Variants in STK39 observed in about 807,000 individuals in gnomAD.
STK39 encodes serine/threonine kinase 39.
STK39 carries 20 observed loss-of-function variants against 77.8 expected under a neutral mutation model. The observed-to-expected ratio is 0.26, with a 90% CI of 0.18 to 0.37. The LOEUF is 0.37. STK39 is among the 10% of genes least tolerant of loss of function. STK39 has a pLI of 1.00. For missense variants in STK39, 479 were observed against 656.5 expected (o/e 0.73, Z 2.95); for synonymous variants, 246 against 234.1 (o/e 1.05, Z -0.47).
chr2:168,033,552 C>T (rs1406373252), intron 14 of STK39, among the ~76,000 whole-genome samples: 8 of 152,176 alleles, frequency 5.3e-5, no homozygotes, highest in African/African-American at 1.2e-4. Context: ...GGCTCTAAAA[C>T]GCTGTTCCTG....
intron 10 of STK39, among the ~76,000 whole-genome samples, chr2:168,096,977 TA>T (rs1686685481): frequency 6.6e-6 from 1 of 152,192 alleles, no homozygotes; most frequent in African/African-American, 2.4e-5. Context: ...AAAACGCTAT[TA>T]ATTTACTGTT....
chr2:168,131,875 T>C (rs1339463591), intron 8 of STK39, among the ~76,000 whole-genome samples: 1 of 152,220 alleles, frequency 6.6e-6, no homozygotes, highest in African/African-American at 2.4e-5. Flanking sequence ...TCCAAATTCA[T>C]CCTTTCACTC....
intron 16 of STK39, among the ~76,000 whole-genome samples, chr2:167,993,790 CA>C (rs1470862374): frequency 2.0e-5 from 3 of 152,124 alleles, no homozygotes; most frequent in Non-Finnish European, 4.4e-5. Context: ...TGTTAAGAGT[CA>C]AGTTTTACAC....
chr2:168,156,908 C>T (rs1688443160), intron 5 of STK39, among the ~76,000 whole-genome samples: 1 of 152,186 alleles, frequency 6.6e-6, no homozygotes. Flanking sequence ...CTCAAAGCAG[C>T]AGCCTCTCTT....
chr2:168,108,182 G>A (rs1438487714), intron 10 of STK39, among the ~76,000 whole-genome samples: 2 of 152,202 alleles, frequency 1.3e-5, no homozygotes, highest in Non-Finnish European at 2.9e-5. Context: ...CAGTTTGGGA[G>A]ATGTCTTGAC....
chr2:168,095,082 G>C (rs761006821), intron 10 of STK39, among the ~76,000 whole-genome samples: 28 of 152,040 alleles, frequency 1.8e-4, no homozygotes, highest in Admixed American at 1.3e-4. Context: ...CATCACCTCA[G>C]GCCTAGCTGT....
chr2:168,221,954 G>A (rs748070766), intron 1 of STK39, among the ~76,000 whole-genome samples: 21 of 152,148 alleles, frequency 1.4e-4, no homozygotes, highest in Non-Finnish European at 2.5e-4. Flanking sequence ...CCTGTTTCAC[G>A]ATTTAATAAG....
At chr2:167,986,510 CT>C (rs1207407808) in intron 16 of STK39, among the ~76,000 whole-genome samples, 1 of 152,208 alleles carries the variant, frequency 6.6e-6, no homozygotes, top group Non-Finnish European at 1.5e-5. Context: ...AAGTGTTTGA[CT>C]TTCAGATTTC....
rs1483134585 is a variant in STK39, at chr2:168,018,250, A to T, written c.1377-1155T>A. Reference sequence around the variant, plus strand: ...CACAGTGGCTCACGCCTGTAATCCCAGAACTTTGAGAGGCTGAGGCAGGTG... The same window carrying T: ...CACAGTGGCTCACGCCTGTAATCCCTGAACTTTGAGAGGCTGAGGCAGGTG... On this transcript the variant is annotated intron_variant, in intron 14 of 17. Coordinates refer to ENST00000355999, the MANE Select transcript of STK39 (RefSeq NM_013233.3). Among the ~76,000 whole-genome samples, 3 of 152,176 alleles carry T rather than the reference A, an allele frequency of 2.0e-5. No individual in the cohort carries two copies. The East Asian group carries it at 5.8e-4, about 29-fold the overall frequency.
chr2:168,049,747 G>A (rs1685345286), intron 14 of STK39, among the ~76,000 whole-genome samples: 1 of 152,232 alleles, frequency 6.6e-6, no homozygotes, highest in African/African-American at 2.4e-5. Flanking sequence ...GCCACCAGCT[G>A]AGAACTAGCA....
chr2:168,083,217 T>C (rs1242822631), intron 10 of STK39, among the ~76,000 whole-genome samples: 5 of 151,460 alleles, frequency 3.3e-5, no homozygotes, highest in Non-Finnish European at 5.9e-5. Context: ...GATCTGCCCT[T>C]CCACATTCTC....
chr2:168,156,633 T>C (rs1688435989), intron 5 of STK39, among the ~76,000 whole-genome samples: 1 of 152,176 alleles, frequency 6.6e-6, no homozygotes, highest in Non-Finnish European at 1.5e-5. Context: ...AAATAAAATG[T>C]GTTTTAACTC....
At chr2:168,154,980 C>T (rs545706325) in intron 5 of STK39, among the ~76,000 whole-genome samples, 31 of 149,902 alleles carry the variant, frequency 2.1e-4, no homozygotes, top group Middle Eastern at 3.4e-3. Flanking sequence ...GGCAGACCTC[C>T]ATAGTATTTG....
At chr2:167,997,012 T>G (rs1683863318) in intron 16 of STK39, among the ~76,000 whole-genome samples, 1 of 150,048 alleles carries the variant, frequency 6.7e-6, no homozygotes, top group East Asian at 2.0e-4. Context: ...TAGACTTACC[T>G]CCAGGCTCAC....
intron 10 of STK39, among the ~76,000 whole-genome samples, chr2:168,084,449 CA>C (rs1686316553): frequency 6.6e-6 from 1 of 152,154 alleles, no homozygotes; most frequent in South Asian, 2.1e-4. Context: ...CACATAGCAA[CA>C]GTGCGAGATA....
rs140429747 is a variant in STK39 at position 168,099,408 on chromosome 2, A to G, written c.1090-24177T>C. Among the ~76,000 whole-genome samples, 3 of 152,332 alleles carry G rather than the reference A, an allele frequency of 2.0e-5. No individual in the cohort carries two copies. The East Asian group carries it at 5.8e-4, about 29-fold the overall frequency. On this transcript the variant is annotated intron_variant, in intron 10 of 17. Coordinates refer to ENST00000355999, the MANE Select transcript of STK39 (RefSeq NM_013233.3). ...TAGCTTTTTATTAATGTTTATTACC[A>G]AGTGGCTACTTTTATGGTCCCAAGA... is the stretch of plus-strand genomic sequence containing the variant.
chr2:167,955,633 G>T, intron 17 of STK39, 63 bp from the exon 18 acceptor site: 1 of 1,535,486 alleles, frequency 6.5e-7, no homozygotes, highest in Non-Finnish European at 8.9e-7. Context: ...TTAAAGTCTT[G>T]TTCCTATGAT....
chr2:168,182,236 GT>G, intron 1 of STK39, 146 bp from the exon 2 acceptor site: 2 of 589,602 alleles, frequency 3.4e-6, no homozygotes, highest in Non-Finnish European at 2.9e-6. Flanking sequence ...TTTTTAAAGA[GT>G]TTCTTAAATC....
At chr2:168,064,942 A>G (rs1685756017) in intron 13 of STK39, among the ~76,000 whole-genome samples, 1 of 152,266 alleles carries the variant, frequency 6.6e-6, no homozygotes, top group South Asian at 2.1e-4. Context: ...GAATTGGCCC[A>G]TAAAATTCAA....
Sources: allele counts gnomAD v4.1 joint callset (sites outside exome capture counted in the v4.1 genomes callset), GRCh38; gene constraint gnomAD v4.1.1; transcripts MANE v1.5; gene names NCBI Gene and HGNC (gene_info 2026-07-23, HGNC 2026-07-21).